CDH12: variants seen among roughly 807,000 people sequenced by gnomAD.
The protein encoded by CDH12 is cadherin-12.
A neutral mutation model predicts 74.1 loss-of-function variants in CDH12; 41 were observed. The ratio of observed to expected loss-of-function variants is 0.55; its 90% CI spans 0.43 to 0.72. The LOEUF is 0.72. Ranked by LOEUF, CDH12 falls within the 30% of genes least tolerant of loss-of-function variation. The pLI, the probability that CDH12 is intolerant of heterozygous loss-of-function variation, is 0.00. For missense variants in CDH12, 945 were observed against 977.2 expected (o/e 0.97, Z 0.44); for synonymous variants, 399 against 355.0 (o/e 1.12, Z -1.39).
intron 5 of CDH12, among the ~76,000 whole-genome samples, chr5:22,015,597 TC>T: frequency 6.6e-6 from 1 of 152,272 alleles, no homozygotes; most frequent in South Asian, 2.1e-4. Flanking sequence ...GTTCATCATG[TC>T]CTTTGTTATA....
intron 4 of CDH12, among the ~76,000 whole-genome samples, chr5:22,174,793 T>C (rs1484313818): frequency 6.6e-6 from 1 of 151,978 alleles, no homozygotes; most frequent in Non-Finnish European, 1.5e-5. Context: ...GTTGCAAATA[T>C]GCTTTATATA....
chr5:21,894,072 CT>C (rs1940137150), intron 6 of CDH12, among the ~76,000 whole-genome samples: 2 of 152,036 alleles, frequency 1.3e-5, no homozygotes, highest in Non-Finnish European at 2.9e-5. Context: ...TAGAATGGTA[CT>C]AGCATAAAGA....
intron 1 of CDH12, among the ~76,000 whole-genome samples, chr5:22,831,444 A>T (rs1280615985): frequency 1.3e-5 from 2 of 151,196 alleles, no homozygotes; most frequent in Non-Finnish European, 2.9e-5. Flanking sequence ...GGTGAGTGTT[A>T]TGTCTAGGTC....
Position 22,186,700 on chromosome 5 carries a change from A to G in CDH12, c.-187+25798T>C, listed in dbSNP as rs181189081. The stretch of plus-strand genomic sequence containing the variant: ...TGGCCAGTCTGGTCTTGAACTCCTG[A>G]CCTCAAGTGATGCCCCCGCCTTGGC... On this transcript the variant is annotated intron_variant, in intron 4 of 14. Transcript: ENST00000382254. 2.7e-4 allele frequency among the ~76,000 whole-genome samples: 41 copies of G among 152,260 alleles called. 1 individual carries two copies. The East Asian group carries it at 7.5e-3, about 28-fold the overall frequency.
chr5:22,663,413 G>C (rs931972632), intron 1 of CDH12, among the ~76,000 whole-genome samples: 1 of 152,046 alleles, frequency 6.6e-6, no homozygotes, highest in Non-Finnish European at 1.5e-5. Flanking sequence ...ATGGAAAACC[G>C]TTTATAGCCT....
At chr5:22,148,601 A>C (rs1354017883) in intron 4 of CDH12, among the ~76,000 whole-genome samples, 2 of 152,096 alleles carry the variant, frequency 1.3e-5, no homozygotes, top group African/African-American at 2.4e-5. Context: ...AGTTTGGGCC[A>C]GAAGTCAGAA....
At chr5:22,207,226 A>AAG (rs1751272615) in intron 4 of CDH12, among the ~76,000 whole-genome samples, 1 of 151,384 alleles carries the variant, frequency 6.6e-6, no homozygotes, top group African/African-American at 2.4e-5. Flanking sequence ...CAAAAAAAAA[A>AAG]AAAAGAAAAA....
At chr5:22,802,245 C>T (rs186663751) in intron 1 of CDH12, among the ~76,000 whole-genome samples, 1,850 of 151,732 alleles carry the variant, frequency 0.012, 20 homozygotes, top group Non-Finnish European at 0.02. Context: ...CCTCAGCCTC[C>T]CGAGTAGCTG....
chr5:22,411,162 T>C (rs904018722), intron 2 of CDH12, among the ~76,000 whole-genome samples: 32 of 151,894 alleles, frequency 2.1e-4, no homozygotes, highest in African/African-American at 7.2e-4. Flanking sequence ...AAAATCAAAA[T>C]AATGAGTTTA....
At chr5:22,424,449 C>T (rs965088408) in intron 2 of CDH12, among the ~76,000 whole-genome samples, 4 of 152,182 alleles carry the variant, frequency 2.6e-5, no homozygotes, top group African/African-American at 9.7e-5. Flanking sequence ...CAAAGGCAGC[C>T]AGCCTCAACT....
intron 6 of CDH12, among the ~76,000 whole-genome samples, chr5:21,901,317 AC>A (rs1205228160): frequency 1.3e-5 from 2 of 152,142 alleles, no homozygotes; most frequent in African/African-American, 4.8e-5. Context: ...AGTTAAGTGC[AC>A]CTCTGATAAT....
At chr5:22,705,926 G>T (rs1355826374) in intron 1 of CDH12, among the ~76,000 whole-genome samples, 1 of 151,898 alleles carries the variant, frequency 6.6e-6, no homozygotes, top group Non-Finnish European at 1.5e-5. Flanking sequence ...AAGGTGAATG[G>T]AAAGATGTTC....
intron 7 of CDH12, among the ~76,000 whole-genome samples, chr5:21,843,592 G>A (rs59514111): frequency 0.21 from 31,754 of 151,246 alleles, 3,543 homozygotes; most frequent in East Asian, 0.3. Flanking sequence ...TGGGCTCACT[G>A]CAATCTCCGC....
chr5:22,369,127 AAAAT>A (rs1186403138), intron 3 of CDH12, among the ~76,000 whole-genome samples: 3 of 150,490 alleles, frequency 2.0e-5, no homozygotes, highest in African/African-American at 7.3e-5. Context: ...AGACTATCTC[AAAAT>A]AAATAAATAA....
At chr5:22,278,744 C>T (rs2150405162) in intron 3 of CDH12, among the ~76,000 whole-genome samples, 1 of 152,232 alleles carries the variant, frequency 6.6e-6, no homozygotes, top group East Asian at 1.9e-4. Flanking sequence ...AGTCTACCCT[C>T]TAGGTATGCA....
At chr5:22,617,672 A>T (rs1010143247) in intron 1 of CDH12, among the ~76,000 whole-genome samples, 1 of 152,146 alleles carries the variant, frequency 6.6e-6, no homozygotes, top group African/African-American at 2.4e-5. Context: ...ATTGACTAAC[A>T]TCCAGGTTCT....
At chr5:21,831,058 A>T (rs1748992406) in intron 8 of CDH12, among the ~76,000 whole-genome samples, 1 of 120,018 alleles carries the variant, frequency 8.3e-6, no homozygotes, top group South Asian at 2.6e-4. Context: ...AAACAAAAAC[A>T]AAAACAAACA....
intron 1 of CDH12, among the ~76,000 whole-genome samples, chr5:22,569,475 A>C (rs1739441750): frequency 1.3e-5 from 2 of 152,184 alleles, no homozygotes; most frequent in Admixed American, 6.5e-5. Flanking sequence ...TGAGCCAATT[A>C]AACCTCTTTT....
intron 5 of CDH12, among the ~76,000 whole-genome samples, chr5:22,003,824 CAAA>C (rs775995801): frequency 5.3e-4 from 25 of 47,384 alleles, no homozygotes; most frequent in Admixed American, 1.2e-3. Context: ...CCCGCTTCCA[CAAA>C]AAAAAAAAAA....
Sources: allele counts gnomAD v4.1 joint callset (sites outside exome capture counted in the v4.1 genomes callset), GRCh38; gene constraint gnomAD v4.1.1; transcripts MANE v1.5; gene names NCBI Gene and HGNC (gene_info 2026-07-23, HGNC 2026-07-21).